Variants in ZMYM1 observed in about 807,000 individuals in gnomAD.
The protein encoded by ZMYM1 is zinc finger MYM-type containing 1.
In ZMYM1, 39 loss-of-function variants were observed where a neutral mutation model predicts 60.0. The ratio of observed to expected loss-of-function variants is 0.65; its 90% confidence interval spans 0.50 to 0.85. The LOEUF (loss-of-function observed/expected upper bound fraction) is 0.85. Among genes scored for constraint, ZMYM1 ranks in the 40% least tolerant of loss-of-function variants. ZMYM1 has a pLI of 0.00. For missense variants in ZMYM1, 1,171 were observed against 1,309.5 expected (o/e 0.89, Z 1.63); for synonymous variants, 413 against 454.0 (o/e 0.91, Z 1.15).
At position 35,112,971 on chromosome 1, in the gene ZMYM1, C is replaced by T; in HGVS notation, c.1147-6C>T. On this transcript the variant is annotated splice_polypyrimidine_tract_variant and splice_region_variant and intron_variant, in intron 9 of 9. Transcript: ENST00000359858. ...TTAAATGTTCTTTTCTCATTTTCTCCCAAAGCTTTCTAAGAGTTCACCTAG... is the reference window on the plus strand; with the variant it reads ...TTAAATGTTCTTTTCTCATTTTCTCTCAAAGCTTTCTAAGAGTTCACCTAG... 106 of 1,490,266 alleles carry T rather than the reference C, an allele frequency of 7.1e-5. No individual in the cohort carries two copies. Among genetic ancestry groups the T allele is most frequent in the Middle Eastern group, 3.6e-4 (2 of 5,558 alleles). The allele number at this position is 1,490,266 out of a possible 1,614,324, so 92.3% of individuals were successfully genotyped here.
At chr1:35,088,586 T>A (rs1057287560) in intron 1 of ZMYM1, among the ~76,000 whole-genome samples, 2 of 150,244 alleles carry the variant, frequency 1.3e-5, no homozygotes, top group African/African-American at 4.9e-5. Context: ...CCTTTGACTA[T>A]TAATACCTGT....
intron 6 of ZMYM1, 125 bp downstream of exon 6, chr1:35,104,894 A>G: frequency 1.4e-6 from 1 of 704,754 alleles, no homozygotes; most frequent in South Asian, 2.3e-5. Flanking sequence ...AAGATGAAAT[A>G]GAAGGCTTTT....
downstream of ZMYM1, among the ~76,000 whole-genome samples, chr1:35,116,882 C>T (rs1304159424): frequency 2.8e-5 from 3 of 105,976 alleles, no homozygotes; most frequent in African/African-American, 3.7e-5. Flanking sequence ...CTCGCTCTGT[C>T]GCCCAGGCGG....
chr1:35,069,180 T>C lies in ZMYM1; in HGVS notation c.-301+9255T>C, dbSNP rs188323165. On this transcript the variant is annotated intron_variant, in intron 1 of 10. Transcript: ENST00000417119. Reference sequence around the variant, plus strand: ...TTTGAGGAACTTCTATCCATTTTTCTATAGTGGCTGTACTAGTTTATAATT... The same window carrying C: ...TTTGAGGAACTTCTATCCATTTTTCCATAGTGGCTGTACTAGTTTATAATT... Among the ~76,000 whole-genome samples, 13 of 152,306 alleles carry C rather than the reference T, an allele frequency of 8.5e-5. No individual in the cohort carries two copies. The East Asian group carries it at 1.5e-3, about 18-fold the overall frequency.
At chr1:35,104,269 A>G in intron 4 of ZMYM1, 26 bp from the exon 5 acceptor site, 1 of 1,531,626 alleles carries the variant, frequency 6.5e-7, no homozygotes, top group Non-Finnish European at 8.8e-7. Context: ...AAACTGTTTA[A>G]TGATGTCCTT....
In ZMYM1 at chr1:35,104,342, C is replaced by A; in HGVS notation, c.467C>A (p.Thr156Asn). ...GTGATTAGTGTCCAGCTGGAAGACA[C>A]TACCTCTTGCAAAACTTTTTGCAGC... ...KDVISVQLED[T>N]TSCKTFCSLS... The change falls in exon 5 of 10, where the codon ACT becomes AAT. Residue 156 changes from threonine to asparagine, a missense_variant. Thr to Asn is a moderately conservative substitution (Grantham distance 65). Transcript: ENST00000359858. 6.2e-7 allele frequency: 1 copy of A among 1,610,210 alleles called. No homozygotes were observed. Among genetic ancestry groups the A allele is most frequent in the Non-Finnish European group, 8.5e-7 (1 of 1,178,996 alleles).
chr1:35,100,180 C>A (rs534047686), intron 4 of ZMYM1, among the ~76,000 whole-genome samples: 3 of 152,246 alleles, frequency 2.0e-5, no homozygotes, highest in East Asian at 3.9e-4. Flanking sequence ...TATGAGCCAC[C>A]ACGCCCTGCC....
intron 4 of ZMYM1, among the ~76,000 whole-genome samples, chr1:35,100,978 AT>A (rs1417212022): frequency 6.6e-6 from 1 of 151,204 alleles, no homozygotes; most frequent in Non-Finnish European, 1.5e-5. Context: ...CAGTTTTTGT[AT>A]TTTTTTGTAG....
In ZMYM1 at chr1:35,065,946, G is replaced by C. The variant is rs752757074; in HGVS notation, c.-301+6021G>C. Among the ~76,000 whole-genome samples the C allele has an allele frequency of 2.6e-4, 40 of 152,110 alleles. 2 individuals carry two copies. Among genetic ancestry groups the C allele is most frequent in the Admixed American group, 8.5e-4 (13 of 15,274 alleles). Reference sequence around the variant, plus strand: ...AAAATTCAACAATTTAGGTGAAATGGACCAAGAGTTCAGAAAACAAAAACT... The same window carrying C: ...AAAATTCAACAATTTAGGTGAAATGCACCAAGAGTTCAGAAAACAAAAACT... On this transcript the variant is annotated intron_variant, in intron 1 of 10. Coordinates refer to the ZMYM1 transcript ENST00000417119.
intron 1 of ZMYM1, among the ~76,000 whole-genome samples, chr1:35,088,454 A>ATATATATATGTGTGTGTG (rs1464546786): frequency 9.3e-6 from 1 of 107,284 alleles, no homozygotes; most frequent in African/African-American, 4.3e-5. Flanking sequence ...ATATATATAT[A>ATATATATATGTGTGTGTG]TGTGTGTGTG....
upstream of ZMYM1, among the ~76,000 whole-genome samples, chr1:35,078,682 G>A (rs1258132034): frequency 6.6e-6 from 1 of 151,168 alleles, no homozygotes; most frequent in Non-Finnish European, 1.5e-5. Flanking sequence ...CCAAGTAGCT[G>A]GGATTACAGG....
chr1:35,106,801 CTTTT>C (rs1339135615), intron 6 of ZMYM1, among the ~76,000 whole-genome samples: 2 of 151,270 alleles, frequency 1.3e-5, no homozygotes, highest in Admixed American at 1.3e-4. Context: ...TTCTTTCTTT[CTTTT>C]TGACACTCAA....
At position 35,112,119 on chromosome 1, in the gene ZMYM1, G is replaced by A. The variant is rs777453197; in HGVS notation, c.1135G>A (p.Val379Ile). 4 of 1,613,316 alleles carry A rather than the reference G, an allele frequency of 2.5e-6. No individual in the cohort carries two copies. Among genetic ancestry groups the A allele is most frequent in the Admixed American group, 3.3e-5 (2 of 59,924 alleles). The change falls in exon 9 of 10, where the codon GTC (valine) becomes ATC (isoleucine). Residue 379 changes from valine (V) to isoleucine (I), a missense_variant. Transcript: ENST00000359858. The stretch of plus-strand genomic sequence containing the variant: ...TTCTTCAGTAACAGCAACAGCAGAT[G>A]TCATTGTGGATGTAAGTTTTAACTT... Reference protein sequence around the residue: ...TVSSVTATADVIVDLSKSSPS... With the variant: ...TVSSVTATADIIVDLSKSSPS...
chr1:35,060,176 A>ATTATTATTATTT lies in ZMYM1; in HGVS notation c.-301+259_-301+260insATTTTTATTATT, dbSNP rs1553135162. On this transcript the variant is annotated intron_variant, in intron 1 of 10. Coordinates refer to the ZMYM1 transcript ENST00000417119. ...TATTATTATTATTATTATTATTATT[A>ATTATTATTATTT]TTATTATTTTGAGACAGAGTTTCGC... Among the ~76,000 whole-genome samples, 468 of 148,768 alleles carry ATTATTATTATTT rather than the reference A, an allele frequency of 3.1e-3. 6 individuals carry two copies. Among genetic ancestry groups the ATTATTATTATTT allele is most frequent in the African/African-American group, 0.011 (441 of 40,686 alleles).
At chr1:35,110,490 TAA>T in intron 7 of ZMYM1, 43 bp downstream of exon 7, 1 of 1,284,284 alleles carries the variant, frequency 7.8e-7, no homozygotes, top group Non-Finnish European at 1.0e-6. Flanking sequence ...TAATTATTAA[TAA>T]ATAATATTAT....
At chr1:35,075,593 C>A (rs1211429571), upstream of ZMYM1, among the ~76,000 whole-genome samples, 2 of 152,074 alleles carry the variant, frequency 1.3e-5, no homozygotes, top group African/African-American at 4.8e-5. Flanking sequence ...TAGAGGCTGC[C>A]CCCTTGCCTT....
chr1:35,117,045 G>A (rs1644257083), downstream of ZMYM1, among the ~76,000 whole-genome samples: 2 of 148,048 alleles, frequency 1.4e-5, no homozygotes, highest in South Asian at 4.3e-4. Flanking sequence ...GGGTTTCACC[G>A]TGGTCTCGAT....
chr1:35,096,307 G>GATTT (rs1643315417), intron 3 of ZMYM1, among the ~76,000 whole-genome samples: 1 of 145,110 alleles, frequency 6.9e-6, no homozygotes. Flanking sequence ...GCGAGACTCT[G>GATTT]TCTAAAAAAA....
At chr1:35,068,465 CTG>C (rs1642013284) in intron 1 of ZMYM1, among the ~76,000 whole-genome samples, 1 of 145,234 alleles carries the variant, frequency 6.9e-6, no homozygotes, top group South Asian at 2.2e-4. Flanking sequence ...AGAAAAGAAA[CTG>C]TGGTATTTGC....
Sources: allele counts gnomAD v4.1 joint callset (sites outside exome capture counted in the v4.1 genomes callset), GRCh38; gene constraint gnomAD v4.1.1; transcripts MANE v1.5; gene names NCBI Gene and HGNC (gene_info 2026-07-23, HGNC 2026-07-21).